The following DENND5B variants were observed in gnomAD, a reference collection of about 807,000 sequenced individuals.
The protein encoded by DENND5B is DENN domain containing 5B, also known as DENN domain-containing protein 5B.
Under a neutral mutation model 140.6 loss-of-function variants are expected in DENND5B, and 34 were observed. The ratio of observed to expected loss-of-function variants is 0.24; its 90% CI spans 0.18 to 0.32. The LOEUF is 0.32. Among genes scored for constraint, DENND5B ranks in the 10% least tolerant of loss-of-function variants. The pLI is 1.00. For missense variants in DENND5B, 1,142 were observed against 1,560.2 expected (o/e 0.73, Z 4.52); for synonymous variants, 551 against 562.1 (o/e 0.98, Z 0.28).
At chr12:31,584,730 G>C (rs1039709563) in intron 1 of DENND5B, among the ~76,000 whole-genome samples, 30 of 152,098 alleles carry the variant, frequency 2.0e-4, no homozygotes, top group African/African-American at 7.0e-4. Context: ...GGGAGACTGA[G>C]GTGAAGGACT....
At chr12:31,562,510 A>T (rs1949509806) in intron 1 of DENND5B, among the ~76,000 whole-genome samples, 7 of 152,056 alleles carry the variant, frequency 4.6e-5, no homozygotes, top group Admixed American at 4.6e-4. Context: ...CCAGGTAGGG[A>T]GGCTAAGGCA....
intron 5 of DENND5B, 61 bp from the exon 6 acceptor site, chr12:31,447,830 A>T: frequency 8.6e-7 from 1 of 1,165,860 alleles, no homozygotes; most frequent in Non-Finnish European, 1.2e-6. Context: ...CTACATGATA[A>T]GCCTGAAAAT....
chr12:31,428,197 T>C (rs1943334490), intron 8 of DENND5B, among the ~76,000 whole-genome samples: 1 of 151,634 alleles, frequency 6.6e-6, no homozygotes, highest in Non-Finnish European at 1.5e-5. Context: ...CTACTAAAAA[T>C]ACAAAAATGT....
chr12:31,484,344 A>G (rs950364280), intron 2 of DENND5B, among the ~76,000 whole-genome samples: 1 of 152,082 alleles, frequency 6.6e-6, no homozygotes, highest in African/African-American at 2.4e-5. Flanking sequence ...GTTGACAATG[A>G]TCAATTGAGA....
chr12:31,409,189 G>A (rs1942303722), intron 14 of DENND5B, 74 bp downstream of exon 14: 1 of 1,430,348 alleles, frequency 7.0e-7, no homozygotes, highest in South Asian at 1.5e-5. Flanking sequence ...GGCATATCTT[G>A]CTTTAAAAAA....
chr12:31,435,383 C>T (rs1943698792), intron 7 of DENND5B, among the ~76,000 whole-genome samples: 1 of 152,140 alleles, frequency 6.6e-6, no homozygotes, highest in Non-Finnish European at 1.5e-5. Flanking sequence ...GTGTCTTCCA[C>T]TTGCATCCTT....
In DENND5B at chr12:31,442,785, T is replaced by A. The variant is rs747521870; in HGVS notation, c.2002A>T (p.Thr668Ser). Residue 668 changes from threonine to serine, a missense_variant, in exon 7 of 21, where the codon ACC (threonine) becomes TCC (serine). This residue lies in a region of DENND5B where 708 missense variants were observed against 905.5 expected (regional missense o/e 0.78). Transcript: ENST00000389082. ...GAAGAACATGCTTACTTGTTACTGG[T>A]TGGTCCTGTTGCCAAGACATCGGAC... ...LQSDVLATGP[T>S]SNNRWVSRSA... 1.2e-6 allele frequency: 2 copies of A among 1,613,536 alleles called. No homozygotes were observed. The highest frequency in any genetic ancestry group is 1.7e-6 in the Non-Finnish European group (2 of 1,179,742).
At position 31,396,053 on chromosome 12, in the gene DENND5B, C is replaced by CCTT. The variant is rs1399702795; in HGVS notation, c.3256+2121_3256+2122insAAG. On this transcript the variant is annotated intron_variant, in intron 17 of 20. Coordinates refer to ENST00000389082, the MANE Select transcript of DENND5B (RefSeq NM_144973.4). The stretch of plus-strand genomic sequence containing the variant: ...TAGCTTCTGGTGGCTGTTGGCATTC[C>CCTT]TTGTTTTTTTTTTTTTTTTTTTTTT... Among the ~76,000 whole-genome samples, 15 of 102,842 alleles carry CCTT rather than the reference C, an allele frequency of 1.5e-4. 1 individual carries two copies. The highest frequency in any genetic ancestry group is 3.3e-4 in the South Asian group (1 of 2,990). The allele number at this position is 102,842 out of a possible 152,430, so 67.5% of individuals were successfully genotyped here. A position where few individuals can be genotyped will look rare whatever the true frequency, so the allele number is the denominator to read the frequency against.
intron 7 of DENND5B, among the ~76,000 whole-genome samples, chr12:31,440,081 CTTAA>C (rs1943967642): frequency 6.6e-6 from 1 of 151,816 alleles, no homozygotes; most frequent in African/African-American, 2.4e-5. Flanking sequence ...GGAAAATTCT[CTTAA>C]TTATCATCCA....
intron 1 of DENND5B, among the ~76,000 whole-genome samples, chr12:31,568,892 T>C (rs1352500802): frequency 3.3e-5 from 5 of 152,040 alleles, no homozygotes; most frequent in Admixed American, 3.3e-4. Flanking sequence ...CACCACTTCA[T>C]AAAATGTTGA....
chr12:31,479,326 T>C (rs1945964369), intron 3 of DENND5B, among the ~76,000 whole-genome samples: 1 of 152,228 alleles, frequency 6.6e-6, no homozygotes, highest in Non-Finnish European at 1.5e-5. Flanking sequence ...AAAAGGGCTA[T>C]TTCCATTAAT....
intron 14 of DENND5B, among the ~76,000 whole-genome samples, chr12:31,404,598 C>T (rs1353422137): frequency 2.7e-5 from 4 of 150,272 alleles, no homozygotes; most frequent in Admixed American, 6.6e-5. Flanking sequence ...GGATTACAGG[C>T]GTCTGCCACC....
At chr12:31,476,610 T>G (rs1008956858) in intron 3 of DENND5B, among the ~76,000 whole-genome samples, 2 of 152,144 alleles carry the variant, frequency 1.3e-5, no homozygotes, top group African/African-American at 4.8e-5. Flanking sequence ...AGGATTGTTA[T>G]GACTTCAAAA....
chr12:31,580,481 TTTTTA>T (rs1950178886), intron 1 of DENND5B, among the ~76,000 whole-genome samples: 1 of 152,048 alleles, frequency 6.6e-6, no homozygotes, highest in East Asian at 1.9e-4. Flanking sequence ...CATTTTACTG[TTTTTA>T]TTTATTTTAT....
At chr12:31,580,315 GA>G (rs1332483486) in intron 1 of DENND5B, among the ~76,000 whole-genome samples, 1 of 152,016 alleles carries the variant, frequency 6.6e-6, no homozygotes, top group African/African-American at 2.4e-5. Flanking sequence ...TATCTTATTT[GA>G]AGAGGAAAGG....
chr12:31,395,136 G>A (rs1412254749), intron 17 of DENND5B, among the ~76,000 whole-genome samples: 1 of 152,098 alleles, frequency 6.6e-6, no homozygotes, highest in Non-Finnish European at 1.5e-5. Flanking sequence ...GTAGATATAT[G>A]TATTCATTTC....
chr12:31,447,709 T>C lies in DENND5B; in HGVS notation c.1690A>G (p.Thr564Ala). ...TCAATAAAGGTGGCAAACATCTGTG[T>C]TTCAATGAAGCGTGAAAGAAATGGC... ...YLPFLSRFIETQMFATFIDNK... is the reference protein window; with the variant it reads ...YLPFLSRFIEAQMFATFIDNK... Residue 564 changes from threonine (T) to alanine (A), a missense_variant, in exon 6 of 21, where the codon ACA becomes GCA. Around this residue, in one of 5 missense-constraint regions of DENND5B, gnomAD observed 708 missense variants for 905.5 expected, o/e 0.78. Coordinates refer to ENST00000389082, the MANE Select transcript of DENND5B (RefSeq NM_144973.4). 6.2e-7 allele frequency: 1 copy of C among 1,611,830 alleles called. No homozygotes were observed. The highest frequency in any genetic ancestry group is 8.5e-7 in the Non-Finnish European group (1 of 1,178,966).
chr12:31,509,791 A>C (rs1321909733), intron 1 of DENND5B, among the ~76,000 whole-genome samples: 3 of 152,208 alleles, frequency 2.0e-5, no homozygotes, highest in African/African-American at 7.2e-5. Context: ...CCAGCAGTAC[A>C]CAAGTTGCAG....
At chr12:31,402,910 C>A (rs7966566) in intron 14 of DENND5B, among the ~76,000 whole-genome samples, 1 of 151,994 alleles carries the variant, frequency 6.6e-6, no homozygotes, top group Admixed American at 6.6e-5. Flanking sequence ...CAACATTAAA[C>A]GTATGAACAA....
Sources: allele counts gnomAD v4.1 joint callset (sites outside exome capture counted in the v4.1 genomes callset), GRCh38; gene constraint gnomAD v4.1.1; regional missense constraint gnomAD v4.1.1; transcripts MANE v1.5; gene names NCBI Gene and HGNC (gene_info 2026-07-23, HGNC 2026-07-21).